The following RBFOX1 variants were observed in gnomAD, a reference collection of about 807,000 sequenced individuals.
RBFOX1 encodes the protein RNA binding fox-1 homolog 1.
RBFOX1 carries 8 observed loss-of-function variants against 57.7 expected under a neutral mutation model. That is an observed-to-expected ratio of 0.14 (90% confidence interval 0.08 to 0.25). The LOEUF is 0.25. Ranked by LOEUF, RBFOX1 falls within the 10% of genes least tolerant of loss-of-function variation. RBFOX1 has a pLI of 1.00. For synonymous variants in RBFOX1, 326 were observed against 222.4 expected, an observed-to-expected ratio of 1.47 and a Z score of -4.15; for missense variants, 611 against 548.5, an observed-to-expected ratio of 1.11 and a Z score of -1.14.
chr16:6,237,244 G>A (rs530117780), intron 1 of RBFOX1, among the ~76,000 whole-genome samples: 12 of 152,196 alleles, frequency 7.9e-5, no homozygotes, highest in African/African-American at 2.9e-4. Context: ...GCAGAAGGCT[G>A]TTGTTCTGGA....
At chr16:5,332,880 T>C (rs1329842567) in intron 1 of RBFOX1, among the ~76,000 whole-genome samples, 4 of 152,182 alleles carry the variant, frequency 2.6e-5, no homozygotes, top group African/African-American at 9.6e-5. Context: ...GAACAAGTTA[T>C]CTTTCATTAA....
At chr16:6,636,852 A>C (rs1378114407) in intron 2 of RBFOX1, among the ~76,000 whole-genome samples, 1 of 109,084 alleles carries the variant, frequency 9.2e-6, no homozygotes, top group Admixed American at 1.1e-4. Context: ...TAATATATAT[A>C]ATATATAATA....
At chr16:5,915,205 G>C (rs1266307735) in intron 4 of RBFOX1, among the ~76,000 whole-genome samples, 1 of 152,194 alleles carries the variant, frequency 6.6e-6, no homozygotes, top group Non-Finnish European at 1.5e-5. Flanking sequence ...TACATCCTCT[G>C]ATGAGTGAAC....
rs1372422910 is a variant in RBFOX1 at position 6,505,122 on chromosome 16, T to A, written c.-63-149481T>A. On this transcript the variant is annotated intron_variant, in intron 2 of 15. Coordinates refer to ENST00000550418, the MANE Select transcript of RBFOX1 (RefSeq NM_018723.4). ...AAAAATAAAGTCTACTCAAATTATT[T>A]TTTTTCCTTCACCAGACTTGGGGGT... Among the ~76,000 whole-genome samples, 3 of 152,142 alleles carry A rather than the reference T, an allele frequency of 2.0e-5. No individual in the cohort carries two copies. The East Asian group carries it at 5.8e-4, about 29-fold the overall frequency.
At chr16:6,952,611 C>T (rs1472383495) in intron 3 of RBFOX1, among the ~76,000 whole-genome samples, 1 of 151,848 alleles carries the variant, frequency 6.6e-6, no homozygotes, top group Non-Finnish European at 1.5e-5. Context: ...GGACTACAGC[C>T]TGGGCAACAG....
Position 6,789,238 on chromosome 16 carries a change from A to G in RBFOX1, c.-16+134588A>G, listed in dbSNP as rs540209486. On this transcript the variant is annotated intron_variant, in intron 3 of 15. Coordinates refer to ENST00000550418, the MANE Select transcript of RBFOX1 (RefSeq NM_018723.4). The stretch of plus-strand genomic sequence containing the variant: ...CACGTGACAAGATGAATGTCATTGT[A>G]TCATTTCCCAAGCCGCGATCCCCAT... Among the ~76,000 whole-genome samples, 7 of 152,288 alleles carry G rather than the reference A, an allele frequency of 4.6e-5. No individual in the cohort carries two copies. The South Asian group carries it at 1.5e-3, about 32-fold the overall frequency.
At chr16:7,407,373 GGTGT>G (rs77358035) in intron 4 of RBFOX1, among the ~76,000 whole-genome samples, 66,860 of 149,536 alleles carry the variant, frequency 0.45, 16,058 homozygotes, top group Non-Finnish European at 0.56. Context: ...GATTTGTATG[GGTGT>G]GTGTGTGTGT....
chr16:6,907,066 A>C (rs751155345), intron 3 of RBFOX1, among the ~76,000 whole-genome samples: 1 of 152,182 alleles, frequency 6.6e-6, no homozygotes, highest in East Asian at 1.9e-4. Context: ...TATGATCTCC[A>C]TGTCATCTCC....
chr16:5,932,876 G>T lies in RBFOX1; in HGVS notation c.351+65541G>T, dbSNP rs1041336448. ...CACTCCCTGCTCCCATATGGTTGTG[G>T]CATTGCCAAGCCATTTGGTCCATTT... On this transcript the variant is annotated intron_variant, in intron 4 of 19. Coordinates refer to the RBFOX1 transcript ENST00000641259. Among the ~76,000 whole-genome samples the T allele has an allele frequency of 2.0e-4, 30 of 152,090 alleles. 1 individual carries two copies. The highest frequency in any genetic ancestry group is 3.4e-4 in the Non-Finnish European group (23 of 68,016).
At chr16:6,575,443 G>A (rs2153962977) in intron 2 of RBFOX1, among the ~76,000 whole-genome samples, 1 of 152,278 alleles carries the variant, frequency 6.6e-6, no homozygotes, top group South Asian at 2.1e-4. Flanking sequence ...ATACAAACAA[G>A]AGTTAAGTTC....
intron 2 of RBFOX1, among the ~76,000 whole-genome samples, chr16:5,524,157 A>T (rs2151018636): frequency 6.6e-6 from 1 of 152,310 alleles, no homozygotes; most frequent in African/African-American, 2.4e-5. Context: ...AGAAAACTAA[A>T]TGTGAGATGG....
intron 1 of RBFOX1, among the ~76,000 whole-genome samples, chr16:6,195,768 C>G (rs1198291884): frequency 2.0e-5 from 3 of 151,716 alleles, no homozygotes; most frequent in African/African-American, 4.8e-5. Context: ...TGTGCTCTCT[C>G]TGAGGTCATG....
intron 1 of RBFOX1, among the ~76,000 whole-genome samples, chr16:6,242,932 G>A (rs939334045): frequency 4.6e-5 from 7 of 152,222 alleles, no homozygotes; most frequent in Middle Eastern, 3.4e-3. Flanking sequence ...AGATGTGTAT[G>A]TTTGGAAATA....
At chr16:7,139,174 C>CTGTG (rs1276311817) in intron 4 of RBFOX1, among the ~76,000 whole-genome samples, 311 of 22,764 alleles carry the variant, frequency 0.014, 1 homozygote, top group Middle Eastern at 0.036. Flanking sequence ...ATCAATCTCT[C>CTGTG]TCTGTGTGTG....
chr16:6,520,942 G>T (rs1292622364), intron 2 of RBFOX1, among the ~76,000 whole-genome samples: 4 of 151,562 alleles, frequency 2.6e-5, no homozygotes, highest in African/African-American at 9.7e-5. Context: ...AAGAGTGTAG[G>T]GGGGGAAAAA....
At chr16:6,550,237 G>A (rs1221574928) in intron 2 of RBFOX1, among the ~76,000 whole-genome samples, 3 of 152,082 alleles carry the variant, frequency 2.0e-5, no homozygotes, top group Non-Finnish European at 4.4e-5. Context: ...GAGTGTAGTG[G>A]CGTGATCTCA....
chr16:7,539,180 A>G (rs1206271193), intron 5 of RBFOX1, among the ~76,000 whole-genome samples: 1 of 152,170 alleles, frequency 6.6e-6, no homozygotes, highest in East Asian at 1.9e-4. Context: ...TGAGTCCACC[A>G]TGATACTTTT....
At chr16:5,857,649 T>C (rs904414347) in intron 3 of RBFOX1, among the ~76,000 whole-genome samples, 38 of 152,284 alleles carry the variant, frequency 2.5e-4, no homozygotes, top group Non-Finnish European at 3.4e-4. Flanking sequence ...TTACCTATTT[T>C]TTCCATTATA....
Position 7,306,507 on chromosome 16 carries a change from C to G in RBFOX1, c.28-211640C>G, listed in dbSNP as rs369945152. ...GCTTTGGAATGCATCTCCCCCTCCC[C>G]TGAAAGGACTTGCACTGCTATCTGT... On this transcript the variant is annotated intron_variant, in intron 4 of 15. Coordinates refer to ENST00000550418, the MANE Select transcript of RBFOX1 (RefSeq NM_018723.4). Among the ~76,000 whole-genome samples the G allele has an allele frequency of 2.7e-4, 41 of 152,156 alleles. No homozygotes were observed. In the South Asian group the frequency reaches 8.3e-3, roughly 31 times the overall value.
Sources: allele counts gnomAD v4.1 joint callset (sites outside exome capture counted in the v4.1 genomes callset), GRCh38; gene constraint gnomAD v4.1.1; transcripts MANE v1.5; gene names NCBI Gene and HGNC (gene_info 2026-07-23, HGNC 2026-07-21).